The following FHOD3 variants were observed in gnomAD, a reference collection of about 807,000 sequenced individuals.
The protein encoded by FHOD3 is formin homology 2 domain containing 3.
In FHOD3, 90 loss-of-function variants were observed where a neutral mutation model predicts 173.0. The ratio of observed to expected loss-of-function variants is 0.52; its 90% CI spans 0.44 to 0.62. FHOD3 has a LOEUF of 0.62. Ranked by LOEUF, FHOD3 falls within the 20% of genes least tolerant of loss-of-function variation. The pLI is 0.00. For missense variants in FHOD3, 1,945 were observed against 2,034.7 expected (o/e 0.96, Z 0.85); for synonymous variants, 828 against 823.0 (o/e 1.01, Z -0.10).
intron 1 of FHOD3, among the ~76,000 whole-genome samples, chr18:36,351,868 A>T (rs1363700213): frequency 6.6e-6 from 1 of 152,222 alleles, no homozygotes; most frequent in Admixed American, 6.5e-5. Flanking sequence ...ATGGGGCTAC[A>T]TCTGCTGGCC....
chr18:36,596,492 T>C (rs2030455574), intron 7 of FHOD3, among the ~76,000 whole-genome samples: 1 of 152,102 alleles, frequency 6.6e-6, no homozygotes, highest in African/African-American at 2.4e-5. Flanking sequence ...CAGTTGTGTC[T>C]GTGATTTAGC....
intron 3 of FHOD3, among the ~76,000 whole-genome samples, chr18:36,390,374 A>T (rs927480120): frequency 1.3e-5 from 2 of 152,172 alleles, no homozygotes; most frequent in Admixed American, 1.3e-4. Flanking sequence ...ATAGTATTCC[A>T]GGTTAAAGAT....
chr18:36,760,475 C>A, intron 26 of FHOD3, 133 bp from the exon 27 acceptor site: 1 of 763,294 alleles, frequency 1.3e-6, no homozygotes, highest in Non-Finnish European at 1.9e-6. Flanking sequence ...ACTTCAGTGA[C>A]TGCCGTAATG....
intron 5 of FHOD3, among the ~76,000 whole-genome samples, chr18:36,540,442 A>C (rs2147086716): frequency 6.6e-6 from 1 of 152,336 alleles, no homozygotes; most frequent in South Asian, 2.1e-4. Flanking sequence ...TTTCGTAGAC[A>C]GTTTGGAGGT....
intron 28 of FHOD3, 30 bp from the exon 29 acceptor site, chr18:36,779,418 C>G: frequency 6.2e-7 from 1 of 1,610,150 alleles, no homozygotes. Context: ...CTTCTCATCC[C>G]TTTGGGTGTG....
chr18:36,552,892 G>A (rs2057719660), intron 5 of FHOD3, among the ~76,000 whole-genome samples: 1 of 152,156 alleles, frequency 6.6e-6, no homozygotes. Flanking sequence ...TCCCTGTCTT[G>A]TGCCAGTTTT....
At position 36,718,153 on chromosome 18, in the gene FHOD3, G is replaced by A. The variant is rs2040562789; in HGVS notation, c.2855G>A (p.Gly952Asp). The A allele has an allele frequency of 2.5e-6, 4 of 1,609,464 alleles. No homozygotes were observed. Among genetic ancestry groups the A allele is most frequent in the Non-Finnish European group, 2.5e-6 (3 of 1,177,652 alleles). ...TTCAACAGTGGGGACCTGGGGAGAG[G>A]TTCCATCTCCCCTGATGCTGAGCCC... Reference protein sequence around the residue: ...EKFNSGDLGRGSISPDAEPND... With the variant: ...EKFNSGDLGRDSISPDAEPND... The change falls in exon 19 of 29, where the codon GGT becomes GAT. Residue 952 changes from glycine to aspartate, a missense_variant. Transcript: ENST00000590592.
intron 14 of FHOD3, among the ~76,000 whole-genome samples, chr18:36,669,141 T>C (rs574306698): frequency 6.6e-6 from 1 of 152,112 alleles, no homozygotes; most frequent in South Asian, 2.1e-4. Context: ...GAAGCTCTTT[T>C]ATTAGGTGCA....
chr18:36,768,868 T>A (rs1164315473), intron 27 of FHOD3, among the ~76,000 whole-genome samples: 1 of 152,212 alleles, frequency 6.6e-6, no homozygotes, highest in Non-Finnish European at 1.5e-5. Context: ...TAGATGTGCA[T>A]CACCGGATAT....
At chr18:36,646,414 C>T (rs2035688038) in intron 10 of FHOD3, among the ~76,000 whole-genome samples, 1 of 151,986 alleles carries the variant, frequency 6.6e-6, no homozygotes, top group African/African-American at 2.4e-5. Flanking sequence ...ATATCACAAC[C>T]ATAGATTAAA....
At chr18:36,459,371 C>T (rs1749879319) in intron 3 of FHOD3, among the ~76,000 whole-genome samples, 1 of 152,192 alleles carries the variant, frequency 6.6e-6, no homozygotes, top group African/African-American at 2.4e-5. Flanking sequence ...AAGAGGAGTG[C>T]AGGAGAGAGT....
At chr18:36,568,472 C>T (rs73948063) in intron 5 of FHOD3, among the ~76,000 whole-genome samples, 11 of 147,206 alleles carry the variant, frequency 7.5e-5, no homozygotes, top group African/African-American at 2.1e-4. Context: ...GCTCCACACA[C>T]GTGAAAGTTT....
At position 36,718,243 on chromosome 18, in the gene FHOD3, A is replaced by G. The variant is rs1348340324; in HGVS notation, c.2945A>G (p.Gln982Arg). ...PKTESDYIWD[Q>R]LMANPRELRI... ...ACAGAGTCTGATTACATCTGGGACC[A>G]GCTCATGGCCAATCCAAGAGAGCTC... is the stretch of plus-strand genomic sequence containing the variant. The change falls in exon 19 of 29, where the codon CAG becomes CGG. Residue 982 changes from glutamine (Q) to arginine (R), a missense_variant. Around this residue, in one of 5 missense-constraint regions of FHOD3, gnomAD observed 1,099 missense variants for 1,051.2 expected, o/e 1.05. Coordinates refer to ENST00000590592, the MANE Select transcript of FHOD3 (RefSeq NM_001281740.3). 1.2e-6 allele frequency: 2 copies of G among 1,614,072 alleles called. No homozygotes were observed. The highest frequency in any genetic ancestry group is 2.7e-5 in the African/African-American group (2 of 74,920).
At chr18:36,389,692 TGCATCTC>T (rs2048202975) in intron 3 of FHOD3, among the ~76,000 whole-genome samples, 1 of 152,166 alleles carries the variant, frequency 6.6e-6, no homozygotes, top group Non-Finnish European at 1.5e-5. Flanking sequence ...TTGAGGTGGG[TGCATCTC>T]AAGGGAGCCC....
chr18:36,444,356 T>C (rs898532412), intron 3 of FHOD3, among the ~76,000 whole-genome samples: 4 of 152,068 alleles, frequency 2.6e-5, no homozygotes, highest in Non-Finnish European at 4.4e-5. Context: ...CAAAATGGAG[T>C]ATGTTACTTC....
At chr18:36,658,024 T>TAAATAAG (rs1294938808) in intron 13 of FHOD3, 51 bp from the exon 14 acceptor site, 4 of 1,338,626 alleles carry the variant, frequency 3.0e-6, no homozygotes, top group Admixed American at 3.6e-5. Context: ...TACTGACTTG[T>TAAATAAG]ACTTATTTCT....
At position 36,653,363 on chromosome 18, in the gene FHOD3, G is replaced by T. The variant is rs2036195976; in HGVS notation, c.1668G>T (p.Leu556Phe). The T allele has an allele frequency of 6.5e-7, 1 of 1,534,906 alleles. No individual in the cohort carries two copies. The highest frequency in any genetic ancestry group is 2.4e-5 in the East Asian group (1 of 40,888). The change falls in exon 13 of 29, where the codon TTG becomes TTT. Residue 556 changes from leucine (L) to phenylalanine (F), a missense_variant. Leu to Phe is a conservative substitution (Grantham distance 22). Coordinates refer to ENST00000590592, the MANE Select transcript of FHOD3 (RefSeq NM_001281740.3). ...KENSSSDSFS[L>F]STYSASEPYH... Reference sequence around the variant, plus strand: ...ACAGTTCCTCTGATTCTTTCTCTTTGAGCACATATTCTGCCTCTGAGCCTT... The same window carrying T: ...ACAGTTCCTCTGATTCTTTCTCTTTTAGCACATATTCTGCCTCTGAGCCTT...
At chr18:36,670,608 CTG>C (rs2037470097) in intron 14 of FHOD3, among the ~76,000 whole-genome samples, 1 of 152,166 alleles carries the variant, frequency 6.6e-6, no homozygotes, top group African/African-American at 2.4e-5. Context: ...ATAGTCATAA[CTG>C]TTTTATCATT....
intron 3 of FHOD3, among the ~76,000 whole-genome samples, chr18:36,455,576 TAA>T (rs35181859): frequency 0.15 from 22,105 of 146,334 alleles, 3,706 homozygotes; most frequent in African/African-American, 0.41. Context: ...AACCTTTAAT[TAA>T]AAAAAAAAAA....
Sources: gnomAD v4.1 joint callset for allele counts (sites outside exome capture counted in the v4.1 genomes callset) on GRCh38, gnomAD v4.1.1 for gene constraint, gnomAD v4.1.1 regional missense constraint, MANE v1.5 for transcripts, NCBI Gene and HGNC (gene_info 2026-07-23, HGNC 2026-07-21) for gene names.